DNAAF11: variants seen among roughly 807,000 people sequenced by gnomAD.
The protein encoded by DNAAF11 is dynein axonemal assembly factor 11.
Under a neutral mutation model 60.8 loss-of-function variants are expected in DNAAF11, and 45 were observed. That is an observed-to-expected ratio of 0.74 (90% confidence interval 0.58 to 0.95). The LOEUF is 0.95. Ranked by LOEUF, DNAAF11 falls within the 40% of genes least tolerant of loss-of-function variation. The pLI is 0.00. For synonymous variants in DNAAF11, 191 were observed against 183.5 expected, an observed-to-expected ratio of 1.04 and a Z score of -0.33; for missense variants, 546 against 546.2, an observed-to-expected ratio of 1.00 and a Z score of 0.00.
chr8:132,694,367 A>G, the DNAAF11 span, among the ~76,000 whole-genome samples: 20 of 152,122 alleles, frequency 1.3e-4, no homozygotes, highest in Non-Finnish European at 2.9e-4. Context: ...AAGAAGGGGA[A>G]AAATTGGACA....
intron 10 of DNAAF11, among the ~76,000 whole-genome samples, chr8:132,607,748 C>A (rs539703894): frequency 5.9e-5 from 9 of 152,256 alleles, no homozygotes; most frequent in African/African-American, 2.2e-4. Context: ...TATGCAGGTT[C>A]ATTCATGTTG....
intron 3 of DNAAF11, chr8:132,643,829 G>A (rs1225328453): frequency 7.1e-6 from 3 of 424,830 alleles, no homozygotes; most frequent in African/African-American, 4.0e-5. Flanking sequence ...TAGGCAGTAG[G>A]ACTTAGAGGT....
intron 3 of DNAAF11, among the ~76,000 whole-genome samples, chr8:132,642,848 T>C (rs928128038): frequency 3.3e-5 from 5 of 152,200 alleles, no homozygotes; most frequent in African/African-American, 4.8e-5. Context: ...TGGACCCAGG[T>C]TGGCCCACCT....
intron 10 of DNAAF11, among the ~76,000 whole-genome samples, chr8:132,606,907 T>C (rs938363557): frequency 4.6e-5 from 7 of 152,230 alleles, no homozygotes; most frequent in East Asian, 1.9e-4. Context: ...CTAAGTGTTA[T>C]AAGAGTCAAA....
intron 10 of DNAAF11, among the ~76,000 whole-genome samples, chr8:132,606,961 A>C (rs1448602294): frequency 6.6e-6 from 1 of 152,244 alleles, no homozygotes; most frequent in African/African-American, 2.4e-5. Flanking sequence ...AAAATGTTAC[A>C]GTTGTTTATT....
intron 11 of DNAAF11, among the ~76,000 whole-genome samples, chr8:132,576,568 C>T (rs1014018778): frequency 2.0e-5 from 3 of 152,130 alleles, no homozygotes; most frequent in Admixed American, 2.0e-4. Flanking sequence ...CATCTCTCAA[C>T]ATAAGTTGGG....
chr8:132,657,046 T>C (rs905189254), intron 2 of DNAAF11, 139 bp from the exon 3 acceptor site: 2 of 459,424 alleles, frequency 4.4e-6, no homozygotes, highest in South Asian at 2.6e-5. Flanking sequence ...TCCAAATCTA[T>C]ACCTGTACAT....
chr8:132,694,167 G>A, the DNAAF11 span, among the ~76,000 whole-genome samples: 1 of 152,150 alleles, frequency 6.6e-6, no homozygotes, highest in Non-Finnish European at 1.5e-5. Flanking sequence ...CCCAACTGAA[G>A]GATCCTGTGC....
At chr8:132,674,972 C>G (rs1277457061) in intron 1 of DNAAF11, among the ~76,000 whole-genome samples, 1 of 152,202 alleles carries the variant, frequency 6.6e-6, no homozygotes, top group East Asian at 1.9e-4. Context: ...GATGAAGAAG[C>G]TGAGGCCCAA....
At position 132,571,539 on chromosome 8, in the gene DNAAF11, G is replaced by A. The variant is rs1011687905; in HGVS notation, c.*767C>T. Among the ~76,000 whole-genome samples the A allele has an allele frequency of 1.3e-5, 2 of 152,018 alleles. No homozygotes were observed. Among genetic ancestry groups the A allele is most frequent in the Admixed American group, 1.3e-4 (2 of 15,260 alleles). ...ATAAGGGGAGAAAAGTAATTGGGGA[G>A]GGAGGGGAAGAAGGAGCAGGGAGGA... On this transcript the variant is annotated 3_prime_UTR_variant, in exon 12 of 12. Coordinates refer to ENST00000620350, the MANE Select transcript of DNAAF11 (RefSeq NM_012472.6).
intron 5 of DNAAF11, 66 bp from the exon 6 acceptor site, chr8:132,625,520 C>G (rs1474768199): frequency 2.6e-6 from 3 of 1,168,808 alleles, no homozygotes; most frequent in African/African-American, 3.1e-5. Flanking sequence ...TTAATGCTGG[C>G]CCTTTAATAT....
chr8:132,615,560 G>A (rs190601084), intron 7 of DNAAF11, among the ~76,000 whole-genome samples: 10 of 151,832 alleles, frequency 6.6e-5, no homozygotes, highest in Non-Finnish European at 1.5e-4. Context: ...TCCTTTCATC[G>A]CTGACCTTTC....
At chr8:132,620,355 G>A (rs1819626513) in intron 7 of DNAAF11, among the ~76,000 whole-genome samples, 2 of 152,094 alleles carry the variant, frequency 1.3e-5, no homozygotes, top group African/African-American at 4.8e-5. Context: ...TTTTTCTTGA[G>A]ACAGGGTCTT....
At chr8:132,671,967 G>A (rs2130889957) in intron 1 of DNAAF11, among the ~76,000 whole-genome samples, 1 of 152,192 alleles carries the variant, frequency 6.6e-6, no homozygotes, top group East Asian at 1.9e-4. Flanking sequence ...AGATTTCTTG[G>A]ATATGACATC....
At chr8:132,625,233 G>T in intron 6 of DNAAF11, 39 bp downstream of exon 6, 1 of 1,449,834 alleles carries the variant, frequency 6.9e-7, no homozygotes, top group Non-Finnish European at 9.4e-7. Flanking sequence ...TAGTTGATAA[G>T]TGGCTACTGC....
chr8:132,698,820 A>G, the DNAAF11 span, among the ~76,000 whole-genome samples: 20 of 152,010 alleles, frequency 1.3e-4, 1 homozygote, highest in Admixed American at 1.3e-3. Context: ...GATGGTGCAC[A>G]CCTGTAATCC....
intron 1 of DNAAF11, among the ~76,000 whole-genome samples, chr8:132,663,150 A>T (rs2130827199): frequency 1.3e-5 from 2 of 152,330 alleles, no homozygotes; most frequent in East Asian, 3.9e-4. Context: ...CAAAGCGCCC[A>T]GGAAGGAGGC....
At chr8:132,637,890 C>G in intron 4 of DNAAF11, 45 bp downstream of exon 4, 1 of 1,518,102 alleles carries the variant, frequency 6.6e-7, no homozygotes, top group Non-Finnish European at 8.9e-7. Flanking sequence ...TGTAGTTGCT[C>G]ATGCTCATTT....
chr8:132,612,828 T>C (rs2130026295), intron 8 of DNAAF11, among the ~76,000 whole-genome samples: 1 of 152,320 alleles, frequency 6.6e-6, no homozygotes. Context: ...ATAATTCATT[T>C]AGACAGAATC....
Sources: allele counts gnomAD v4.1 joint callset (sites outside exome capture counted in the v4.1 genomes callset), GRCh38; gene constraint gnomAD v4.1.1; transcripts MANE v1.5; gene names NCBI Gene and HGNC (gene_info 2026-07-23, HGNC 2026-07-21).